CCDC178: variants seen among roughly 807,000 people sequenced by gnomAD.
CCDC178 encodes the protein coiled-coil domain-containing protein 178.
A neutral mutation model predicts 117.4 loss-of-function variants in CCDC178; 126 were observed. The observed-to-expected ratio is 1.07, with a 90% confidence interval of 0.93 to 1.24. The LOEUF (loss-of-function observed/expected upper bound fraction) is 1.24. Among genes scored for constraint, CCDC178 ranks in the 50% most tolerant of loss-of-function variants. The pLI is 0.00. For missense variants in CCDC178, 1,030 were observed against 986.9 expected, an observed-to-expected ratio of 1.04 and a Z score of -0.59; for synonymous variants, 283 against 313.4, an observed-to-expected ratio of 0.90 and a Z score of 1.02.
intron 18 of CCDC178, among the ~76,000 whole-genome samples, chr18:33,221,668 C>T (rs1294898912): frequency 6.6e-6 from 1 of 152,084 alleles, no homozygotes; most frequent in Admixed American, 6.6e-5. Context: ...TAGGGAATCA[C>T]ATAATTTAAA....
intron 21 of CCDC178, among the ~76,000 whole-genome samples, chr18:33,081,524 CA>C (rs2057297480): frequency 6.6e-6 from 1 of 151,846 alleles, no homozygotes. Context: ...TTGCTTGATT[CA>C]AAAAGTCAAG....
intron 21 of CCDC178, among the ~76,000 whole-genome samples, chr18:32,980,734 T>C (rs1206841082): frequency 6.6e-6 from 1 of 152,148 alleles, no homozygotes; most frequent in Non-Finnish European, 1.5e-5. Flanking sequence ...TAGTAGGATA[T>C]GAATAAATAA....
At chr18:33,108,595 TTGA>T (rs2057738378) in intron 20 of CCDC178, among the ~76,000 whole-genome samples, 1 of 151,620 alleles carries the variant, frequency 6.6e-6, no homozygotes. Context: ...ATTTATTCAC[TTGA>T]TGATTTGTTG....
intron 10 of CCDC178, among the ~76,000 whole-genome samples, chr18:33,331,026 C>CTTTTTTTTT (rs67153629): frequency 0.025 from 1,129 of 45,018 alleles, 205 homozygotes; most frequent in Middle Eastern, 0.093. Context: ...ACAAACATTG[C>CTTTTTTTTT]TTTTTTTTTT....
rs184701009 is a variant in CCDC178, at chr18:33,391,232, C to T, written c.119-1603G>A. On this transcript the variant is annotated intron_variant, in intron 4 of 22. Coordinates refer to ENST00000383096, the MANE Select transcript of CCDC178 (RefSeq NM_001105528.4). ...ATCTAGACCTTAAGCTCAACAACAC[C>T]GAGAGTTATTACTTTACAATTGAAG... Among the ~76,000 whole-genome samples, 714 of 150,164 alleles carry T rather than the reference C, an allele frequency of 4.8e-3. 2 individuals are homozygous for T. Among genetic ancestry groups the T allele is most frequent in the Middle Eastern group, 7.4e-3 (2 of 272 alleles).
At chr18:33,317,506 C>T (rs2062436916) in intron 11 of CCDC178, among the ~76,000 whole-genome samples, 1 of 152,182 alleles carries the variant, frequency 6.6e-6, no homozygotes, top group Admixed American at 6.5e-5. Flanking sequence ...CAATTCTGGA[C>T]ACATTTTCAC....
intron 20 of CCDC178, among the ~76,000 whole-genome samples, chr18:33,098,225 A>G (rs1379504982): frequency 6.6e-6 from 1 of 152,140 alleles, no homozygotes; most frequent in Non-Finnish European, 1.5e-5. Context: ...TTAAGTACAA[A>G]AAGTGAAATA....
intron 20 of CCDC178, among the ~76,000 whole-genome samples, chr18:33,139,746 A>C (rs550034849): frequency 6.4e-4 from 98 of 152,308 alleles, no homozygotes; most frequent in African/African-American, 2.3e-3. Context: ...TTGCAGCCTC[A>C]CGATGCAAAA....
At chr18:33,414,036 G>A (rs1341625159) in intron 2 of CCDC178, among the ~76,000 whole-genome samples, 3 of 152,134 alleles carry the variant, frequency 2.0e-5, no homozygotes, top group Admixed American at 2.0e-4. Flanking sequence ...AAAATCAACA[G>A]AAACAAAAGA....
intron 12 of CCDC178, among the ~76,000 whole-genome samples, chr18:33,278,825 C>T (rs1470674759): frequency 6.6e-6 from 1 of 152,048 alleles, no homozygotes; most frequent in African/African-American, 2.4e-5. Flanking sequence ...AAATGTAATC[C>T]AGCATATAAA....
intron 12 of CCDC178, among the ~76,000 whole-genome samples, chr18:33,288,847 T>C (rs1051743872): frequency 6.6e-6 from 1 of 152,166 alleles, no homozygotes; most frequent in African/African-American, 2.4e-5. Context: ...AGAGTATTTA[T>C]AAAGAGTTGG....
intron 2 of CCDC178, among the ~76,000 whole-genome samples, chr18:33,416,196 G>T: frequency 6.6e-6 from 1 of 152,182 alleles, no homozygotes; most frequent in Admixed American, 6.5e-5. Flanking sequence ...GGGAGGCCGA[G>T]GCGGGTGGAT....
chr18:33,058,033 T>C (rs2056859928), intron 21 of CCDC178, among the ~76,000 whole-genome samples: 1 of 152,084 alleles, frequency 6.6e-6, no homozygotes, highest in African/African-American at 2.4e-5. Flanking sequence ...AAATTGAAAC[T>C]CACTACATTG....
At chr18:33,352,919 G>A (rs980780134) in intron 7 of CCDC178, among the ~76,000 whole-genome samples, 2 of 152,054 alleles carry the variant, frequency 1.3e-5, no homozygotes, top group South Asian at 2.1e-4. Context: ...GTATAAACTG[G>A]TTAGGTCTTG....
rs926510281 is a variant in CCDC178, at chr18:33,066,947, G to A, written c.2388+25814C>T. Among the ~76,000 whole-genome samples the A allele has an allele frequency of 5.3e-5, 8 of 152,136 alleles. No individual in the cohort carries two copies. In the South Asian group the frequency reaches 6.2e-4, roughly 12 times the overall value. On this transcript the variant is annotated intron_variant, in intron 21 of 22. Coordinates refer to ENST00000383096, the MANE Select transcript of CCDC178 (RefSeq NM_001105528.4). ...CACTCTTAATATTGGAAAAATCATC[G>A]AGACAAAAAATCAACAAGGAAACAT...
At chr18:33,248,987 T>C (rs2059584447) in intron 14 of CCDC178, among the ~76,000 whole-genome samples, 1 of 152,246 alleles carries the variant, frequency 6.6e-6, no homozygotes, top group South Asian at 2.1e-4. Flanking sequence ...TATCACATTG[T>C]GGTTTTGATT....
At chr18:33,377,477 G>C (rs2063381759) in intron 5 of CCDC178, among the ~76,000 whole-genome samples, 1 of 152,082 alleles carries the variant, frequency 6.6e-6, no homozygotes, top group Non-Finnish European at 1.5e-5. Context: ...GTTTTGTTTT[G>C]TTGTAATTGC....
At chr18:33,067,370 G>T (rs944334489) in intron 21 of CCDC178, among the ~76,000 whole-genome samples, 5 of 152,064 alleles carry the variant, frequency 3.3e-5, no homozygotes, top group Non-Finnish European at 7.4e-5. Context: ...TAAGAGGGAA[G>T]TTTAAACCAA....
chr18:33,060,476 T>C (rs954382490), intron 21 of CCDC178, among the ~76,000 whole-genome samples: 1 of 152,128 alleles, frequency 6.6e-6, no homozygotes, highest in South Asian at 2.1e-4. Flanking sequence ...GATTGTCAAA[T>C]AAGTAAATAA....
Sources: gnomAD v4.1 joint callset for allele counts (sites outside exome capture counted in the v4.1 genomes callset) on GRCh38, gnomAD v4.1.1 for gene constraint, MANE v1.5 for transcripts, NCBI Gene and HGNC (gene_info 2026-07-23, HGNC 2026-07-21) for gene names.